SLC25A24: variants seen among roughly 807,000 people sequenced by gnomAD.
SLC25A24 encodes solute carrier family 25 member 24, also known as mitochondrial adenyl nucleotide antiporter SLC25A24.
In SLC25A24, 49 loss-of-function variants were observed where a neutral mutation model predicts 60.7. The ratio of observed to expected loss-of-function variants is 0.81; its 90% CI spans 0.64 to 1.02. The LOEUF is 1.02. SLC25A24 is among the 50% of genes least tolerant of loss of function. The pLI, the probability that SLC25A24 is intolerant of heterozygous loss-of-function variation, is 0.00. For synonymous variants in SLC25A24, 202 were observed against 200.6 expected (o/e 1.01, Z -0.06); for missense variants, 564 against 586.3 (o/e 0.96, Z 0.39).
intron 2 of SLC25A24, among the ~76,000 whole-genome samples, chr1:108,183,828 A>C (rs1373174022): frequency 6.6e-6 from 1 of 152,188 alleles, no homozygotes; most frequent in Non-Finnish European, 1.5e-5. Flanking sequence ...AAGGCAGAGT[A>C]TTGCCTTATT....
At position 108,200,321 on chromosome 1, in the gene SLC25A24, A is replaced by G; in HGVS notation, c.-183T>C. On this transcript the variant is annotated 5_prime_UTR_variant, in exon 1 of 10. Coordinates refer to ENST00000565488, the MANE Select transcript of SLC25A24 (RefSeq NM_013386.5). ...GGCGCAGGAGCGGAGACCCCACCCG[A>G]GCCCGCGCGGAGCGCAGGGTGTGGC... 2.5e-6 allele frequency: 1 copy of G among 392,464 alleles called. No homozygotes were observed. Among genetic ancestry groups the G allele is most frequent in the Non-Finnish European group, 4.2e-6 (1 of 240,068 alleles). The allele number at this position is 392,464 out of a possible 1,614,324, so 24.3% of individuals were successfully genotyped here.
chr1:108,139,321 C>G (rs1679379998), intron 8 of SLC25A24, 113 bp from the exon 9 acceptor site: 1 of 1,126,966 alleles, frequency 8.9e-7, no homozygotes, highest in Non-Finnish European at 1.2e-6. Context: ...GATGAGGCCA[C>G]GCATTTGCAG....
chr1:108,143,766 A>C, intron 7 of SLC25A24, 56 bp from the exon 8 acceptor site: 1 of 1,356,174 alleles, frequency 7.4e-7, no homozygotes, highest in Non-Finnish European at 1.0e-6. Flanking sequence ...TCATCATGGG[A>C]TTCAAATGAA....
intron 8 of SLC25A24, among the ~76,000 whole-genome samples, chr1:108,142,102 T>A (rs962428629): frequency 1.3e-5 from 2 of 152,046 alleles, no homozygotes; most frequent in Non-Finnish European, 2.9e-5. Flanking sequence ...ATAATAAAAA[T>A]AAGCTTTTTT....
chr1:108,195,476 T>G lies in SLC25A24; in HGVS notation c.183+4480A>C, dbSNP rs1176823905. 2.0e-5 allele frequency among the ~76,000 whole-genome samples: 3 copies of G among 152,242 alleles called. No individual in the cohort carries two copies. The East Asian group carries it at 5.8e-4, about 29-fold the overall frequency. ...ATTTTTTTCATTCTTTCAGACACTT[T>G]ATTTCTGCAGAGAAGGATAACATCA... On this transcript the variant is annotated intron_variant, in intron 1 of 9. Transcript: ENST00000565488.
rs779393707 is a variant in SLC25A24, at chr1:108,200,162, G to C, written c.-24C>G. 100 of 1,535,222 alleles carry C rather than the reference G, an allele frequency of 6.5e-5. 1 individual carries two copies. The highest frequency in any genetic ancestry group is 2.0e-4 in the South Asian group (17 of 83,596). ...ATGGTCCCAGAGGCGCAGGCGGCCT[G>C]GCCGAGGAAGTCACGGGAGATCGAG... On this transcript the variant is annotated 5_prime_UTR_variant, in exon 1 of 10. Transcript: ENST00000565488.
intron 9 of SLC25A24, among the ~76,000 whole-genome samples, chr1:108,137,227 C>A (rs912022072): frequency 8.5e-5 from 13 of 152,134 alleles, no homozygotes; most frequent in Admixed American, 8.5e-4. Flanking sequence ...GACTCTAAAG[C>A]TGGTACACTT....
At chr1:108,192,028 G>A (rs1648357923) in intron 1 of SLC25A24, among the ~76,000 whole-genome samples, 1 of 138,396 alleles carries the variant, frequency 7.2e-6, no homozygotes, top group Non-Finnish European at 1.6e-5. Context: ...AGTGAAACCC[G>A]AGAGTAAAAG....
Position 108,135,997 on chromosome 1 carries a change from G to A in SLC25A24, c.*656C>T, listed in dbSNP as rs1679272624. ...GTTGGTAATTTAACAGTAATATACTGAAAATTAGTGTATAACTCCAGGAAC... is the reference window on the plus strand; with the variant it reads ...GTTGGTAATTTAACAGTAATATACTAAAAATTAGTGTATAACTCCAGGAAC... On this transcript the variant is annotated 3_prime_UTR_variant, in exon 10 of 10. Transcript: ENST00000565488. The A allele has an allele frequency of 6.6e-6, 1 of 152,200 alleles. No individual in the cohort carries two copies. Among genetic ancestry groups the A allele is most frequent in the African/African-American group, 2.4e-5 (1 of 41,454 alleles). The allele number at this position is 152,200 out of a possible 1,614,324, so 9.4% of individuals were successfully genotyped here.
Position 108,173,342 on chromosome 1 carries a change from G to A in SLC25A24, c.398+8599C>T, listed in dbSNP as rs548531023. Reference sequence around the variant, plus strand: ...TAGTGAGTGAGTTCTCACGAGATATGATGGTTTTATAGGGCTTTTCCCTCT... The same window carrying A: ...TAGTGAGTGAGTTCTCACGAGATATAATGGTTTTATAGGGCTTTTCCCTCT... On this transcript the variant is annotated intron_variant, in intron 3 of 9. Coordinates refer to ENST00000565488, the MANE Select transcript of SLC25A24 (RefSeq NM_013386.5). 2.0e-5 allele frequency among the ~76,000 whole-genome samples: 3 copies of A among 152,312 alleles called. No individual in the cohort carries two copies. The South Asian group carries it at 6.2e-4, about 32-fold the overall frequency.
chr1:108,190,201 C>T (rs570175700), intron 1 of SLC25A24, among the ~76,000 whole-genome samples: 2 of 152,184 alleles, frequency 1.3e-5, no homozygotes, highest in South Asian at 4.2e-4. Flanking sequence ...AGGCTTCAGG[C>T]GTTTCCTGAT....
At chr1:108,143,861 A>C in intron 7 of SLC25A24, 151 bp from the exon 8 acceptor site, 1 of 664,254 alleles carries the variant, frequency 1.5e-6, no homozygotes. Flanking sequence ...TTCATGTATT[A>C]CCTCTATTGG....
At chr1:108,152,259 C>A (rs184971655) in intron 6 of SLC25A24, among the ~76,000 whole-genome samples, 138 of 152,328 alleles carry the variant, frequency 9.1e-4, no homozygotes, top group Non-Finnish European at 1.8e-3. Flanking sequence ...AGTCTTGAGG[C>A]ACAGTGAACC....
Position 108,186,899 on chromosome 1 carries a change from G to A in SLC25A24, c.184-945C>T, listed in dbSNP as rs182952170. Among the ~76,000 whole-genome samples the A allele has an allele frequency of 1.0e-3, 158 of 152,130 alleles. 3 individuals carry two copies. In the East Asian group the frequency reaches 0.025, roughly 24 times the overall value. ...TCAAGACCAACCTGACCAACATGGA[G>A]AACCCCCATCTCTACTAAAAATACA... On this transcript the variant is annotated intron_variant, in intron 1 of 9. Coordinates refer to ENST00000565488, the MANE Select transcript of SLC25A24 (RefSeq NM_013386.5).
At chr1:108,178,899 A>G (rs1374080383) in intron 3 of SLC25A24, among the ~76,000 whole-genome samples, 1 of 152,170 alleles carries the variant, frequency 6.6e-6, no homozygotes, top group Non-Finnish European at 1.5e-5. Context: ...ATGCTCCTGA[A>G]TGATCAGTGG....
intron 3 of SLC25A24, among the ~76,000 whole-genome samples, chr1:108,178,395 C>T (rs1307391685): frequency 6.6e-6 from 1 of 152,200 alleles, no homozygotes; most frequent in African/African-American, 2.4e-5. Context: ...AGAGAATACA[C>T]ATTCTTCTCA....
intron 7 of SLC25A24, among the ~76,000 whole-genome samples, chr1:108,145,729 T>C (rs1679572293): frequency 6.6e-6 from 1 of 152,230 alleles, no homozygotes; most frequent in South Asian, 2.1e-4. Context: ...TGTGGTGTTA[T>C]TTCTGAGGCC....
Position 108,200,187 on chromosome 1 carries a change from G to T in SLC25A24, c.-49C>A. ...GGCCGAGGAAGTCACGGGAGATCGA[G>T]GGCTGCGGGGCGAGACCGGGACCAG... On this transcript the variant is annotated 5_prime_UTR_variant, in exon 1 of 10. Coordinates refer to ENST00000565488, the MANE Select transcript of SLC25A24 (RefSeq NM_013386.5). 6.7e-7 allele frequency: 1 copy of T among 1,490,756 alleles called. No homozygotes were observed. Among genetic ancestry groups the T allele is most frequent in the Non-Finnish European group, 8.9e-7 (1 of 1,122,070 alleles). 92.3% of individuals were successfully genotyped at this position (1,490,756 alleles called of 1,614,324 possible).
intron 3 of SLC25A24, among the ~76,000 whole-genome samples, chr1:108,180,320 G>A (rs1056862889): frequency 1.3e-5 from 2 of 150,754 alleles, no homozygotes; most frequent in Non-Finnish European, 2.9e-5. Context: ...AGCTGAGATC[G>A]CACCATTGCA....
Sources: allele counts gnomAD v4.1 joint callset (sites outside exome capture counted in the v4.1 genomes callset), GRCh38; gene constraint gnomAD v4.1.1; transcripts MANE v1.5; gene names NCBI Gene and HGNC (gene_info 2026-07-23, HGNC 2026-07-21).